RBFOX1: variants seen among roughly 807,000 people sequenced by gnomAD.
The protein encoded by RBFOX1 is RNA binding protein fox-1 homolog 1.
Under a neutral mutation model 57.7 loss-of-function variants are expected in RBFOX1, and 8 were observed. The observed-to-expected ratio is 0.14, with a 90% CI of 0.08 to 0.25. The LOEUF (loss-of-function observed/expected upper bound fraction) is 0.25. Among genes scored for constraint, RBFOX1 ranks in the 10% least tolerant of loss-of-function variants. The probability of loss-of-function intolerance (pLI) is 1.00; values close to 1 mark genes in which losing one functional copy is unlikely to be tolerated. For missense variants in RBFOX1, 611 were observed against 548.5 expected, an observed-to-expected ratio of 1.11 and a Z score of -1.14; for synonymous variants, 326 against 222.4, an observed-to-expected ratio of 1.47 and a Z score of -4.15.
chr16:7,699,345 C>CCA (rs1338399792), intron 14 of RBFOX1, among the ~76,000 whole-genome samples: 18 of 152,286 alleles, frequency 1.2e-4, no homozygotes, highest in African/African-American at 4.1e-4. Flanking sequence ...GCAGGTGCTA[C>CCA]CACACCCAGC....
chr16:7,366,118 C>G (rs1596540862), intron 4 of RBFOX1, among the ~76,000 whole-genome samples: 2 of 151,416 alleles, frequency 1.3e-5, no homozygotes, highest in African/African-American at 4.9e-5. Flanking sequence ...GGTCATGTGG[C>G]ACAGACATGG....
chr16:7,504,468 G>A (rs956982420), intron 4 of RBFOX1, among the ~76,000 whole-genome samples: 7 of 151,198 alleles, frequency 4.6e-5, no homozygotes, highest in Admixed American at 3.3e-4. Flanking sequence ...TTGTCAGAAT[G>A]TCTCAAAAAT....
chr16:7,215,155 G>A (rs138661270), intron 4 of RBFOX1, among the ~76,000 whole-genome samples: 2,213 of 152,202 alleles, frequency 0.015, 65 homozygotes, highest in African/African-American at 0.051. Flanking sequence ...GAGAACATGT[G>A]GTGTTTGGTT....
chr16:6,125,502 C>T (rs1466909393), intron 1 of RBFOX1, among the ~76,000 whole-genome samples: 1 of 152,028 alleles, frequency 6.6e-6, no homozygotes, highest in African/African-American at 2.4e-5. Context: ...TACAAGGGGC[C>T]CTAAACTGAG....
intron 7 of RBFOX1, among the ~76,000 whole-genome samples, chr16:7,590,261 T>C (rs1354462550): frequency 1.3e-5 from 2 of 151,560 alleles, no homozygotes; most frequent in East Asian, 1.9e-4. Flanking sequence ...AGTGAGTCCT[T>C]ATCTCAGAAC....
At chr16:6,519,037 T>C (rs150780186) in intron 2 of RBFOX1, among the ~76,000 whole-genome samples, 7 of 151,792 alleles carry the variant, frequency 4.6e-5, no homozygotes, top group African/African-American at 1.7e-4. Flanking sequence ...GATAAACACT[T>C]AATTCTAACT....
chr16:7,348,574 A>G (rs752631411), intron 4 of RBFOX1, among the ~76,000 whole-genome samples: 9 of 152,226 alleles, frequency 5.9e-5, no homozygotes, highest in Non-Finnish European at 8.8e-5. Context: ...AAGAAATGAC[A>G]TTACTTTAGT....
intron 3 of RBFOX1, among the ~76,000 whole-genome samples, chr16:6,949,148 T>C (rs1381520443): frequency 1.3e-5 from 2 of 152,214 alleles, no homozygotes; most frequent in Non-Finnish European, 2.9e-5. Flanking sequence ...ATGTAACTGA[T>C]GCCTTCCCCC....
chr16:6,798,378 C>A (rs1038495065), intron 3 of RBFOX1, among the ~76,000 whole-genome samples: 1 of 152,136 alleles, frequency 6.6e-6, no homozygotes, highest in East Asian at 1.9e-4. Context: ...GAAAGCCATT[C>A]TGAGACAGAA....
chr16:5,827,396 T>A (rs779090166), intron 3 of RBFOX1, among the ~76,000 whole-genome samples: 14 of 114,506 alleles, frequency 1.2e-4, no homozygotes, highest in African/African-American at 2.4e-4. Flanking sequence ...CAAGACTCCA[T>A]CTCAGGGAAA....
intron 5 of RBFOX1, among the ~76,000 whole-genome samples, chr16:7,544,253 A>T (rs2083791216): frequency 6.6e-6 from 1 of 152,198 alleles, no homozygotes; most frequent in South Asian, 2.1e-4. Flanking sequence ...GACAAAGGAG[A>T]AGTGAACGTT....
rs557699059 is a variant in RBFOX1, at chr16:7,690,721, A to G, written c.995+13883A>G. Among the ~76,000 whole-genome samples, 28 of 152,140 alleles carry G rather than the reference A, an allele frequency of 1.8e-4. No individual in the cohort carries two copies. In the South Asian group the frequency reaches 5.4e-3, roughly 29 times the overall value. ...TATAGCGGAGACATTCGTCTCTTTG[A>G]TCATATGTGTCTCTGGTCATCTGGG... is the stretch of plus-strand genomic sequence containing the variant. On this transcript the variant is annotated intron_variant, in intron 14 of 15. Transcript: ENST00000550418.
At chr16:7,597,524 G>T (rs1231318187) in intron 9 of RBFOX1, 93 bp downstream of exon 9, 5 of 1,161,700 alleles carry the variant, frequency 4.3e-6, no homozygotes, top group Non-Finnish European at 6.2e-6. Context: ...AGCTGTGTTT[G>T]CCTGGGCATT....
chr16:7,263,090 C>A (rs1378754221), intron 4 of RBFOX1, among the ~76,000 whole-genome samples: 1 of 152,168 alleles, frequency 6.6e-6, no homozygotes, highest in African/African-American at 2.4e-5. Context: ...CTCTGAATAG[C>A]CCTTATTCCT....
chr16:7,346,910 G>C (rs117561940), intron 4 of RBFOX1, among the ~76,000 whole-genome samples: 1 of 152,114 alleles, frequency 6.6e-6, no homozygotes, highest in African/African-American at 2.4e-5. Context: ...CAAAAAAAAC[G>C]AGAGGGGCAG....
chr16:7,643,109 G>A (rs1181697999), intron 11 of RBFOX1, among the ~76,000 whole-genome samples: 1 of 152,192 alleles, frequency 6.6e-6, no homozygotes, highest in Admixed American at 6.5e-5. Flanking sequence ...AGGTAAGCAG[G>A]AACAGCACGC....
intron 3 of RBFOX1, among the ~76,000 whole-genome samples, chr16:6,728,738 A>G (rs1230653863): frequency 6.6e-6 from 1 of 152,198 alleles, no homozygotes; most frequent in Non-Finnish European, 1.5e-5. Flanking sequence ...AATAGAAGAA[A>G]CACGGTGTCT....
chr16:5,469,407 C>T (rs1330689448), intron 2 of RBFOX1, among the ~76,000 whole-genome samples: 1 of 152,164 alleles, frequency 6.6e-6, no homozygotes, highest in Non-Finnish European at 1.5e-5. Flanking sequence ...TTATAACATG[C>T]CAGGGATTAT....
intron 3 of RBFOX1, among the ~76,000 whole-genome samples, chr16:5,783,518 C>G (rs1429496851): frequency 6.6e-6 from 1 of 152,152 alleles, no homozygotes; most frequent in African/African-American, 2.4e-5. Context: ...TCACCCTCAT[C>G]CCGTTATCCA....
Sources: allele counts gnomAD v4.1 joint callset (sites outside exome capture counted in the v4.1 genomes callset), GRCh38; gene constraint gnomAD v4.1.1; transcripts MANE v1.5; gene names NCBI Gene and HGNC (gene_info 2026-07-23, HGNC 2026-07-21).